MEI1: variants seen among roughly 807,000 people sequenced by gnomAD.
The protein encoded by MEI1 is meiotic double-stranded break formation protein 1, also known as meiosis inhibitor protein 1.
In MEI1, 103 loss-of-function variants were observed where a neutral mutation model predicts 146.2. The observed-to-expected ratio is 0.70, with a 90% CI of 0.60 to 0.83. The LOEUF (loss-of-function observed/expected upper bound fraction) is 0.83, where lower values mean the gene tolerates loss of function less well. MEI1 is among the 40% of genes least tolerant of loss of function. MEI1 has a pLI of 0.00. For missense variants in MEI1, 1,529 were observed against 1,533.0 expected (o/e 1.00, Z 0.04); for synonymous variants, 652 against 628.2 (o/e 1.04, Z -0.57).
chr22:41,742,674 C>T (rs2072980963), intron 11 of MEI1, among the ~76,000 whole-genome samples: 2 of 152,078 alleles, frequency 1.3e-5, no homozygotes, highest in African/African-American at 2.4e-5. Flanking sequence ...TTTTTTGAGA[C>T]AAAGTCTTGT....
At chr22:41,772,184 T>C (rs2075219900) in intron 20 of MEI1, among the ~76,000 whole-genome samples, 1 of 152,204 alleles carries the variant, frequency 6.6e-6, no homozygotes, top group African/African-American at 2.4e-5. Context: ...GTGACATTTG[T>C]ATATCTAAAC....
At chr22:41,734,094 C>T (rs571729349) in intron 11 of MEI1, among the ~76,000 whole-genome samples, 49 of 151,484 alleles carry the variant, frequency 3.2e-4, no homozygotes, top group Non-Finnish European at 5.6e-4. Flanking sequence ...CACCATTATA[C>T]TCCAGCCTGG....
Position 41,784,358 on chromosome 22 carries a change from T to G in MEI1, c.3107T>G (p.Val1036Gly). 1 of 1,613,846 alleles carries G rather than the reference T, an allele frequency of 6.2e-7. No individual in the cohort carries two copies. The highest frequency in any genetic ancestry group is 8.5e-7 in the Non-Finnish European group (1 of 1,179,850). The change falls in exon 25 of 31, where the codon GTG (valine) becomes GGG (glycine). Residue 1036 changes from valine (V) to glycine (G), a missense_variant. Val to Gly is a moderately radical substitution (Grantham distance 109). This residue lies in a region of MEI1 where 313 missense variants were observed against 337.3 expected (regional missense o/e 0.93). Transcript: ENST00000401548. ...TGCCAGGTTCACCAGACACTCTCTG[T>G]GGAAATGGACCAAGTATTGAAGGCT... is the stretch of plus-strand genomic sequence containing the variant. ...GSLQVHQTLS[V>G]EMDQVLKALS...
chr22:41,765,411 G>A (rs895605438), intron 19 of MEI1, among the ~76,000 whole-genome samples: 1 of 152,264 alleles, frequency 6.6e-6, no homozygotes, highest in Admixed American at 6.5e-5. Context: ...AGCGCAAGAG[G>A]TCGAGGCTGC....
intron 4 of MEI1, among the ~76,000 whole-genome samples, chr22:41,714,978 C>T (rs995173891): frequency 2.0e-5 from 3 of 151,994 alleles, no homozygotes; most frequent in Admixed American, 6.5e-5. Context: ...AGAAGGAAAA[C>T]AAATGTTTAT....
chr22:41,756,460 G>T (rs987453306), intron 17 of MEI1, among the ~76,000 whole-genome samples: 1 of 151,218 alleles, frequency 6.6e-6, no homozygotes, highest in African/African-American at 2.4e-5. Flanking sequence ...AAACTCTGAA[G>T]TCAGTCTTTT....
intron 14 of MEI1, 64 bp downstream of exon 14, chr22:41,746,090 A>C (rs1008313300): frequency 2.4e-5 from 36 of 1,471,204 alleles, no homozygotes; most frequent in Non-Finnish European, 3.2e-5. Flanking sequence ...CAGGCGAGCC[A>C]GGCTCAGAGG....
chr22:41,718,933 G>A (rs1410005180), intron 6 of MEI1, among the ~76,000 whole-genome samples: 1 of 150,230 alleles, frequency 6.7e-6, no homozygotes, highest in Non-Finnish European at 1.5e-5. Context: ...GTCCAGTGGT[G>A]CTTTCTCAGC....
intron 19 of MEI1, among the ~76,000 whole-genome samples, chr22:41,764,537 A>G (rs2074719529): frequency 6.6e-6 from 1 of 152,220 alleles, no homozygotes; most frequent in South Asian, 2.1e-4. Flanking sequence ...AGGCAAAATT[A>G]ATAGTCAATG....
intron 3 of MEI1, among the ~76,000 whole-genome samples, chr22:41,707,085 C>T (rs1348148731): frequency 6.6e-6 from 1 of 151,306 alleles, no homozygotes; most frequent in Non-Finnish European, 1.5e-5. Flanking sequence ...CACCTGTAAT[C>T]CCAGCTACTT....
intron 2 of MEI1, among the ~76,000 whole-genome samples, chr22:41,705,288 C>T (rs2069004345): frequency 6.6e-6 from 1 of 151,738 alleles, no homozygotes; most frequent in African/African-American, 2.4e-5. Context: ...TCTCCTGCCT[C>T]AGCCTCCTGA....
At chr22:41,741,666 A>T (rs2072878275) in intron 11 of MEI1, among the ~76,000 whole-genome samples, 1 of 152,248 alleles carries the variant, frequency 6.6e-6, no homozygotes, top group African/African-American at 2.4e-5. Flanking sequence ...ACTTCTATAG[A>T]CTTTGACTCA....
intron 20 of MEI1, among the ~76,000 whole-genome samples, chr22:41,772,611 T>C (rs749215607): frequency 6.6e-6 from 1 of 152,190 alleles, no homozygotes; most frequent in African/African-American, 2.4e-5. Context: ...CATAAACGAC[T>C]GTACCTGCCA....
chr22:41,752,919 G>A (rs2073864925), intron 16 of MEI1, among the ~76,000 whole-genome samples: 2 of 152,140 alleles, frequency 1.3e-5, no homozygotes, highest in Admixed American at 1.3e-4. Context: ...AGTGGCTCAT[G>A]GCTGTAATCC....
intron 3 of MEI1, among the ~76,000 whole-genome samples, chr22:41,708,303 G>A (rs547661939): frequency 9.9e-5 from 15 of 152,184 alleles, no homozygotes; most frequent in African/African-American, 3.1e-4. Context: ...CTTCTTAATG[G>A]TGTTTGTTCT....
At chr22:41,704,586 G>A (rs1033803440) in intron 2 of MEI1, among the ~76,000 whole-genome samples, 1 of 148,822 alleles carries the variant, frequency 6.7e-6, no homozygotes, top group African/African-American at 2.5e-5. Context: ...GCCAATTTTT[G>A]CATTTTTAGT....
intron 19 of MEI1, among the ~76,000 whole-genome samples, chr22:41,764,830 C>G (rs1412545855): frequency 6.6e-6 from 1 of 152,182 alleles, no homozygotes; most frequent in Non-Finnish European, 1.5e-5. Flanking sequence ...CTGTACCAAC[C>G]AGAGGTGGTA....
intron 17 of MEI1, among the ~76,000 whole-genome samples, chr22:41,757,599 T>A (rs1393378380): frequency 6.6e-6 from 1 of 151,878 alleles, no homozygotes; most frequent in Non-Finnish European, 1.5e-5. Flanking sequence ...TCAGGTGATA[T>A]ACCCTCCTCA....
intron 7 of MEI1, among the ~76,000 whole-genome samples, chr22:41,725,257 G>A (rs111512843): frequency 0.066 from 10,088 of 151,864 alleles, 1,075 homozygotes; most frequent in African/African-American, 0.23. Flanking sequence ...GATTACAGGC[G>A]CCAAGCCACC....
Sources: allele counts gnomAD v4.1 joint callset (sites outside exome capture counted in the v4.1 genomes callset), GRCh38; gene constraint gnomAD v4.1.1; regional missense constraint gnomAD v4.1.1; transcripts MANE v1.5; gene names NCBI Gene and HGNC (gene_info 2026-07-23, HGNC 2026-07-21).